CSMD1: variants seen among roughly 807,000 people sequenced by gnomAD.
CSMD1 encodes CUB and sushi domain-containing protein 1.
CSMD1 carries 213 observed loss-of-function variants against 417.5 expected under a neutral mutation model. That is an observed-to-expected ratio of 0.51 (90% CI 0.46 to 0.57). The LOEUF is 0.57. Ranked by LOEUF, CSMD1 falls within the 20% of genes least tolerant of loss-of-function variation. The pLI is 0.00. For missense variants in CSMD1, 6,923 were observed against 4,529.7 expected (o/e 1.53, Z -15.17); for synonymous variants, 2,862 against 1,736.8 (o/e 1.65, Z -16.11).
chr8:3,458,263 A>G (rs145699428), intron 12 of CSMD1, among the ~76,000 whole-genome samples: 47 of 152,306 alleles, frequency 3.1e-4, no homozygotes, highest in Middle Eastern at 3.4e-3. Flanking sequence ...TTAGAATTTA[A>G]TGTTCTCCGG....
At position 3,663,595 on chromosome 8, in the gene CSMD1, A is replaced by G. The variant is rs143532129; in HGVS notation, c.1009+44819T>C. Among the ~76,000 whole-genome samples the G allele has an allele frequency of 2.2e-4, 34 of 152,294 alleles. No individual in the cohort carries two copies. The East Asian group carries it at 6.6e-3, about 29-fold the overall frequency. ...CAAAGCCACCCCTCTGCTCACTGAG[A>G]TAAACCCATATCTGATTGCCTCCTT... On this transcript the variant is annotated intron_variant, in intron 7 of 69. Coordinates refer to ENST00000635120, the MANE Select transcript of CSMD1 (RefSeq NM_033225.6).
chr8:3,668,557 G>A (rs1236039496), intron 7 of CSMD1, among the ~76,000 whole-genome samples: 1 of 152,080 alleles, frequency 6.6e-6, no homozygotes, highest in African/African-American at 2.4e-5. Flanking sequence ...CAGGTAATAT[G>A]CAAAGGGGAT....
At chr8:3,868,234 G>T (rs1481023560) in intron 5 of CSMD1, among the ~76,000 whole-genome samples, 4 of 152,092 alleles carry the variant, frequency 2.6e-5, no homozygotes, top group Non-Finnish European at 4.4e-5. Flanking sequence ...CGAGGATGGG[G>T]GGGCATCTCC....
chr8:3,529,372 C>T (rs1797884149), intron 10 of CSMD1, among the ~76,000 whole-genome samples: 1 of 152,082 alleles, frequency 6.6e-6, no homozygotes, highest in African/African-American at 2.4e-5. Flanking sequence ...AAGAGTAACT[C>T]CCTCTTAAAA....
In CSMD1 at chr8:4,036,014, T is replaced by G. The variant is rs571225347; in HGVS notation, c.416-3915A>C. 6.6e-5 allele frequency among the ~76,000 whole-genome samples: 10 copies of G among 152,312 alleles called. No homozygotes were observed. In the South Asian group the frequency reaches 1.9e-3, roughly 28 times the overall value. The stretch of plus-strand genomic sequence containing the variant: ...TTTAATGCTGTTTTATTACTGTACC[T>G]TTTCTATGTTTAGAGACACATATAC... On this transcript the variant is annotated intron_variant, in intron 3 of 69. Transcript: ENST00000635120.
intron 3 of CSMD1, among the ~76,000 whole-genome samples, chr8:4,208,742 G>C (rs1422608600): frequency 1.3e-5 from 2 of 152,162 alleles, no homozygotes; most frequent in African/African-American, 4.8e-5. Context: ...ATGGAATATG[G>C]AGAATATATT....
At chr8:3,184,558 C>G (rs141100952) in intron 36 of CSMD1, among the ~76,000 whole-genome samples, 2 of 151,866 alleles carry the variant, frequency 1.3e-5, no homozygotes, top group East Asian at 3.8e-4. Context: ...GGATATTTGC[C>G]TTCTTCTTAC....
intron 3 of CSMD1, among the ~76,000 whole-genome samples, chr8:4,262,774 G>C (rs1464005509): frequency 6.6e-6 from 1 of 152,146 alleles, no homozygotes; most frequent in African/African-American, 2.4e-5. Context: ...CTCAGCTATG[G>C]AGAGGAAGGA....
intron 26 of CSMD1, among the ~76,000 whole-genome samples, chr8:3,281,002 A>C (rs1802694821): frequency 6.6e-6 from 1 of 152,224 alleles, no homozygotes; most frequent in African/African-American, 2.4e-5. Context: ...CATTCTTTCC[A>C]CATAATCCAT....
At chr8:3,279,524 C>T (rs139283893) in intron 26 of CSMD1, among the ~76,000 whole-genome samples, 40 of 152,274 alleles carry the variant, frequency 2.6e-4, no homozygotes, top group African/African-American at 8.7e-4. Flanking sequence ...GTACGTATGA[C>T]AATCCCAGTG....
Position 4,006,823 on chromosome 8 carries a change from AT to A in CSMD1, c.611-8714del, listed in dbSNP as rs759780050. On this transcript the variant is annotated intron_variant, in intron 4 of 69. Transcript: ENST00000635120. ...GCTGAGAGAATCCAGGACTTTTCCT[AT>A]TTTTTTTTTTTTTTTTTTTTTGAGA... is the stretch of plus-strand genomic sequence containing the variant. 1.7e-3 allele frequency among the ~76,000 whole-genome samples: 163 copies of A among 95,970 alleles called. No individual in the cohort carries two copies. In the Middle Eastern group the frequency reaches 0.031, roughly 18 times the overall value. 63.0% of individuals were successfully genotyped at this position (95,970 alleles called of 152,430 possible).
rs535792191 is a variant in CSMD1, at chr8:3,409,317, C to G, written c.1744+106G>C. 1.5e-4 allele frequency: 158 copies of G among 1,085,002 alleles called. 2 individuals are homozygous for G. In the East Asian group the frequency reaches 3.2e-3, roughly 22 times the overall value. 67.2% of individuals were successfully genotyped at this position (1,085,002 alleles called of 1,614,324 possible). ...AGTAAATGTGGCACCCCGAGCCATT[C>G]TGAAAGCTGCCCTCCCTAAATGGGC... is the stretch of plus-strand genomic sequence containing the variant. On this transcript the variant is annotated intron_variant, in intron 13 of 69. Coordinates refer to ENST00000635120, the MANE Select transcript of CSMD1 (RefSeq NM_033225.6).
chr8:4,112,926 G>A (rs1011989808), intron 3 of CSMD1, among the ~76,000 whole-genome samples: 2 of 152,140 alleles, frequency 1.3e-5, no homozygotes, highest in African/African-American at 4.8e-5. Flanking sequence ...CCAACAGTAA[G>A]TGCTCACTTC....
chr8:4,769,477 T>C (rs1206866769), intron 1 of CSMD1, among the ~76,000 whole-genome samples: 2 of 152,230 alleles, frequency 1.3e-5, no homozygotes, highest in Admixed American at 1.3e-4. Flanking sequence ...TAAATACCTA[T>C]GTATTAATAT....
intron 3 of CSMD1, among the ~76,000 whole-genome samples, chr8:4,323,064 T>C (rs1192020058): frequency 6.6e-6 from 1 of 151,560 alleles, no homozygotes; most frequent in Non-Finnish European, 1.5e-5. Flanking sequence ...AGCCTACAAA[T>C]AGAGAGTTAA....
chr8:4,315,979 T>C (rs1798902854), intron 3 of CSMD1, among the ~76,000 whole-genome samples: 1 of 152,172 alleles, frequency 6.6e-6, no homozygotes, highest in Admixed American at 6.5e-5. Flanking sequence ...TTTGTGAATG[T>C]CATCTTTTAT....
In CSMD1 at chr8:4,287,475, G is replaced by A. The variant is rs1057124835; in HGVS notation, c.415+132478C>T. Among the ~76,000 whole-genome samples, 11 of 151,964 alleles carry A rather than the reference G, an allele frequency of 7.2e-5. 1 individual carries two copies. The highest frequency in any genetic ancestry group is 5.9e-4 in the Admixed American group (9 of 15,252). On this transcript the variant is annotated intron_variant, in intron 3 of 69. Transcript: ENST00000635120. ...AGTAATATTAGAAATGACAAGCCCA[G>A]GAAACTTACTTTACATTCTAAGACT... is the stretch of plus-strand genomic sequence containing the variant.
intron 51 of CSMD1, among the ~76,000 whole-genome samples, chr8:3,026,446 C>T (rs1316291743): frequency 6.6e-6 from 1 of 151,320 alleles, no homozygotes; most frequent in South Asian, 2.2e-4. Context: ...CTCACTGGGC[C>T]TGACTGGACC....
Position 4,920,994 on chromosome 8 carries a change from GAAAAGAAAGAAAGAAAGA to G in CSMD1, c.85+73320_85+73337del, listed in dbSNP as rs1563770104. ...AGAAAGAAAGAAACAAAGAAAGAAA[GAAAAGAAAGAAAGAAAGA>G]AAAGAAAGAAAGGAAGAAAGAAAGG... On this transcript the variant is annotated intron_variant, in intron 1 of 69. Transcript: ENST00000635120. Among the ~76,000 whole-genome samples the G allele has an allele frequency of 5.8e-4, 14 of 24,126 alleles. 3 individuals carry two copies. The highest frequency in any genetic ancestry group is 2.3e-3 in the South Asian group (2 of 878). 15.8% of individuals were successfully genotyped at this position (24,126 alleles called of 152,430 possible).
Sources: allele counts gnomAD v4.1 joint callset (sites outside exome capture counted in the v4.1 genomes callset), GRCh38; gene constraint gnomAD v4.1.1; transcripts MANE v1.5; gene names NCBI Gene and HGNC (gene_info 2026-07-23, HGNC 2026-07-21).